Variants in KCNAB2 observed in about 807,000 individuals in gnomAD.
KCNAB2 encodes the protein voltage-gated potassium channel subunit beta-2.
Under a neutral mutation model 63.6 loss-of-function variants are expected in KCNAB2, and 29 were observed. That is an observed-to-expected ratio of 0.46 (90% CI 0.34 to 0.62). The LOEUF is 0.62. KCNAB2 is among the 20% of genes least tolerant of loss of function. The probability of loss-of-function intolerance (pLI) is 0.01; values close to 1 mark genes in which losing one functional copy is unlikely to be tolerated. For missense variants in KCNAB2, 359 were observed against 563.9 expected (o/e 0.64, Z 3.68); for synonymous variants, 222 against 224.2 (o/e 0.99, Z 0.09).
At chr1:6,064,194 G>A (rs1268193583) in intron 2 of KCNAB2, among the ~76,000 whole-genome samples, 3 of 152,236 alleles carry the variant, frequency 2.0e-5, no homozygotes, top group African/African-American at 7.2e-5. Flanking sequence ...GCCGCCTTCC[G>A]GGCTGAACAC....
Position 6,085,257 on chromosome 1 carries a change from C to A in KCNAB2, c.425+9C>A, listed in dbSNP as rs770324119. 3.1e-6 allele frequency: 5 copies of A among 1,613,432 alleles called. No homozygotes were observed. The highest frequency in any genetic ancestry group is 4.2e-6 in the Non-Finnish European group (5 of 1,179,436). On this transcript the variant is annotated intron_variant, in intron 6 of 15. Coordinates refer to ENST00000378083, the MANE Select transcript of KCNAB2 (RefSeq NM_001199862.2). ...AAGAAGAAAGGATGGAGGTAACGGC[C>A]CTGCTCTCTGCGGCCTGTCCCTGGG...
chr1:6,092,024 C>T (rs1382033013), intron 10 of KCNAB2, among the ~76,000 whole-genome samples: 1 of 152,010 alleles, frequency 6.6e-6, no homozygotes, highest in East Asian at 1.9e-4. Flanking sequence ...GGGCAGGTGT[C>T]GATCTCCCTG....
intron 1 of KCNAB2, among the ~76,000 whole-genome samples, chr1:6,038,448 G>A (rs549307522): frequency 1.8e-4 from 27 of 151,960 alleles, no homozygotes; most frequent in African/African-American, 6.3e-4. Flanking sequence ...GCATCACCAC[G>A]CCCAGCTAAT....
chr1:6,066,177 G>C (rs1365488540), intron 2 of KCNAB2, among the ~76,000 whole-genome samples: 1 of 152,220 alleles, frequency 6.6e-6, no homozygotes, highest in Non-Finnish European at 1.5e-5. Context: ...GGCCGCTTCC[G>C]CGCCGTGGCC....
intron 1 of KCNAB2, among the ~76,000 whole-genome samples, chr1:6,002,628 C>G (rs141629098): frequency 2.9e-4 from 44 of 152,298 alleles, no homozygotes; most frequent in African/African-American, 9.4e-4. Flanking sequence ...GAGGTAAATC[C>G]TTTGAACTGC....
rs1657590762 is a variant in KCNAB2, at chr1:6,005,419, GAGTTGTGGGTTGTGT to G, written c.-53+12632_-53+12646del. Among the ~76,000 whole-genome samples, 4 of 126,140 alleles carry G rather than the reference GAGTTGTGGGTTGTGT, an allele frequency of 3.2e-5. 1 individual carries two copies. The highest frequency in any genetic ancestry group is 1.1e-4 in the African/African-American group (3 of 26,156). The allele number at this position is 126,140 out of a possible 152,430, so 82.8% of individuals were successfully genotyped here. ...GGAGCTGAGCTGAGGGGTGGGGGTG[GAGTTGTGGGTTGTGT>G]GAGCTGAGCTGAGGGGTGAGGGTGG... On this transcript the variant is annotated intron_variant, in intron 1 of 16. Coordinates refer to the KCNAB2 transcript ENST00000341524.
rs552523429 is a variant in KCNAB2 at position 6,035,016 on chromosome 1, G to A, written c.-53+222G>A. On this transcript the variant is annotated intron_variant, in intron 1 of 15. Coordinates refer to the KCNAB2 transcript ENST00000164247. The surrounding 1 kb of genome is among the most constrained non-coding windows in gnomAD (Gnocchi z 5.0). ...AGGGGAGGGACCAGGGAGTGTGGGG[G>A]AGACGGGGACTGCGATGAAAGGGAG... 4.6e-5 allele frequency among the ~76,000 whole-genome samples: 7 copies of A among 152,318 alleles called. No individual in the cohort carries two copies. Among genetic ancestry groups the A allele is most frequent in the Admixed American group, 3.9e-4 (6 of 15,300 alleles).
At chr1:6,019,865 T>C (rs1419241750) in intron 1 of KCNAB2, among the ~76,000 whole-genome samples, 1 of 152,192 alleles carries the variant, frequency 6.6e-6, no homozygotes, top group African/African-American at 2.4e-5. Flanking sequence ...CCTCAGATGC[T>C]CCAGGGATTG....
chr1:6,018,767 G>T (rs1484265122), intron 1 of KCNAB2: 1 of 152,176 alleles, frequency 6.6e-6, no homozygotes, highest in African/African-American at 2.4e-5. Context: ...AATCAGCCAG[G>T]ACCCTGATGT....
At position 5,999,736 on chromosome 1, in the gene KCNAB2, C is replaced by T. The variant is rs559906827; in HGVS notation, c.-53+6948C>T. Among the ~76,000 whole-genome samples the T allele has an allele frequency of 1.0e-3, 155 of 152,198 alleles. 1 individual carries two copies. The Middle Eastern group carries it at 0.014, about 13-fold the overall frequency. ...AGGGGTCAGTACAGGAGCCAGTCCTCGCCACCCTGTTCCTGACCATACAGA... is the reference window on the plus strand; with the variant it reads ...AGGGGTCAGTACAGGAGCCAGTCCTTGCCACCCTGTTCCTGACCATACAGA... On this transcript the variant is annotated intron_variant, in intron 1 of 16. Transcript: ENST00000341524.
chr1:6,080,554 C>T (rs774947861), intron 4 of KCNAB2, among the ~76,000 whole-genome samples: 11 of 152,202 alleles, frequency 7.2e-5, no homozygotes, highest in Non-Finnish European at 1.3e-4. Flanking sequence ...AAATCACAGC[C>T]GCTCACTAAC....
intron 1 of KCNAB2, among the ~76,000 whole-genome samples, chr1:6,022,484 TAGTTCAGTGGTATTGAGTGTAC>T (rs1219509396): frequency 1.3e-5 from 2 of 151,866 alleles, no homozygotes; most frequent in African/African-American, 4.8e-5. Flanking sequence ...ATTGAGTGTG[TAGTTCAGTGGTATTGAGTGTAC>T]AGTTCAGTGG....
At position 6,095,373 on chromosome 1, in the gene KCNAB2, G is replaced by A. The variant is rs763627360; in HGVS notation, c.783G>A (p.Glu261=). Residue 261 remains glutamate, a synonymous_variant, in exon 12 of 16, where the codon GAG becomes GAA. Transcript: ENST00000378083. ...RQFNLTPPIC[E]QAEYHMFQRE... ...TCAACCTGACCCCGCCCATCTGCGA[G>A]CAGGCTGAGTACCACATGTTCCAGC... The A allele has an allele frequency of 6.2e-7, 1 of 1,613,084 alleles. No individual in the cohort carries two copies. Among genetic ancestry groups the A allele is most frequent in the Non-Finnish European group, 8.5e-7 (1 of 1,180,028 alleles).
chr1:6,002,496 G>A (rs1657312130), intron 1 of KCNAB2, among the ~76,000 whole-genome samples: 1 of 152,256 alleles, frequency 6.6e-6, no homozygotes, highest in Admixed American at 6.5e-5. Flanking sequence ...GATGGCCACA[G>A]ACTCCCTGAT....
At chr1:6,041,710 C>G (rs1660512666), upstream of KCNAB2, 2 of 843,994 alleles carry the variant, frequency 2.4e-6, no homozygotes, top group African/African-American at 3.3e-5. Context: ...TGGTGGGGGC[C>G]CGGGGGCATG....
Position 6,040,457 on chromosome 1 carries a change from C to A in KCNAB2, c.-52-60C>A. Reference sequence around the variant, plus strand: ...GTGATCCCAGAGTCTCCCGGCCAAACCTGGTTGATCTTTTTTAACCACCAC... The same window carrying A: ...GTGATCCCAGAGTCTCCCGGCCAAAACTGGTTGATCTTTTTTAACCACCAC... On this transcript the variant is annotated intron_variant, in intron 1 of 15. Transcript: ENST00000164247. 5.3e-6 allele frequency: 5 copies of A among 937,398 alleles called. No individual in the cohort carries two copies. In the South Asian group the frequency reaches 5.7e-5, roughly 11 times the overall value. The allele number at this position is 937,398 out of a possible 1,614,324, so 58.1% of individuals were successfully genotyped here. A position where few individuals can be genotyped will look rare whatever the true frequency, so the allele number is the denominator to read the frequency against.
chr1:6,062,689 AGT>A (rs1662419462), intron 2 of KCNAB2, among the ~76,000 whole-genome samples: 1 of 152,186 alleles, frequency 6.6e-6, no homozygotes. Flanking sequence ...TGATGTCACA[AGT>A]GACTCCGAGT....
rs535731478 is a variant in KCNAB2 at position 6,074,362 on chromosome 1, G to A, written c.300+592G>A. 2.0e-4 allele frequency among the ~76,000 whole-genome samples: 31 copies of A among 152,342 alleles called. No individual in the cohort carries two copies. The highest frequency in any genetic ancestry group is 3.3e-4 in the Admixed American group (5 of 15,296). Reference sequence around the variant, plus strand: ...CTAACAAAAAGCCAGCTTGTATGCCGCCAGCGCCTCTGGGTCTCTCGGAAG... The same window carrying A: ...CTAACAAAAAGCCAGCTTGTATGCCACCAGCGCCTCTGGGTCTCTCGGAAG... On this transcript the variant is annotated intron_variant, in intron 4 of 15. Transcript: ENST00000378083. The surrounding 1 kb of genome is among the most constrained non-coding windows in gnomAD (Gnocchi z 4.9).
At chr1:6,053,888 A>C (rs1661588057) in intron 2 of KCNAB2, among the ~76,000 whole-genome samples, 2 of 151,610 alleles carry the variant, frequency 1.3e-5, no homozygotes, top group Admixed American at 1.3e-4. Flanking sequence ...AAATACAATC[A>C]AAAAATTAGC....
Sources: allele counts gnomAD v4.1 joint callset (sites outside exome capture counted in the v4.1 genomes callset), GRCh38; gene constraint gnomAD v4.1.1; non-coding constraint Gnocchi (gnomAD v3.1); transcripts MANE v1.5; gene names NCBI Gene and HGNC (gene_info 2026-07-23, HGNC 2026-07-21).